Variants in CCDC91 observed in about 807,000 individuals in gnomAD.
CCDC91 encodes the protein coiled-coil domain-containing protein 91.
A neutral mutation model predicts 63.2 loss-of-function variants in CCDC91; 48 were observed. That is an observed-to-expected ratio of 0.76 (90% CI 0.60 to 0.97). The LOEUF is 0.97. Among genes scored for constraint, CCDC91 ranks in the 50% least tolerant of loss-of-function variants. CCDC91 has a pLI of 0.00. For synonymous variants in CCDC91, 167 were observed against 165.8 expected (o/e 1.01, Z -0.06); for missense variants, 500 against 494.6 (o/e 1.01, Z -0.10).
intron 6 of CCDC91, among the ~76,000 whole-genome samples, chr12:28,309,375 TA>T (rs1393823702): frequency 6.6e-6 from 1 of 152,050 alleles, no homozygotes; most frequent in Non-Finnish European, 1.5e-5. Context: ...TTAGAAAAGA[TA>T]ACTTCTAAGA....
intron 6 of CCDC91, among the ~76,000 whole-genome samples, chr12:28,335,952 T>A (rs559113243): frequency 1.6e-3 from 233 of 150,138 alleles, no homozygotes; most frequent in South Asian, 4.0e-3. Context: ...TTTTTTTTTT[T>A]AAAAAAAAAC....
intron 1 of CCDC91, among the ~76,000 whole-genome samples, chr12:28,223,891 TTCTC>T (rs1944105027): frequency 6.6e-6 from 1 of 152,330 alleles, no homozygotes; most frequent in Admixed American, 6.5e-5. Flanking sequence ...AGAAAATTAT[TTCTC>T]TTGAAACTCA....
rs150424532 is a variant in CCDC91 at position 28,420,522 on chromosome 12, G to A, written c.762+29111G>A. Among the ~76,000 whole-genome samples, 534 of 152,208 alleles carry A rather than the reference G, an allele frequency of 3.5e-3. 7 individuals are homozygous for A. The highest frequency in any genetic ancestry group is 0.012 in the African/African-American group (501 of 41,546). ...ACTACTGAGTGCTAGCTGATTGACAGCACATAAGACACAGTCCTTACCCTC... is the reference window on the plus strand; with the variant it reads ...ACTACTGAGTGCTAGCTGATTGACAACACATAAGACACAGTCCTTACCCTC... On this transcript the variant is annotated intron_variant, in intron 8 of 12. Coordinates refer to ENST00000536442, the MANE Select transcript of CCDC91 (RefSeq NM_018318.5).
intron 1 of CCDC91, among the ~76,000 whole-genome samples, chr12:28,252,515 C>A (rs1017421632): frequency 2.6e-5 from 4 of 151,490 alleles, no homozygotes. Flanking sequence ...ATTTTCTATC[C>A]GGCAGTTTTT....
chr12:28,364,409 A>G (rs1030055030), intron 7 of CCDC91, among the ~76,000 whole-genome samples: 1 of 152,162 alleles, frequency 6.6e-6, no homozygotes, highest in Non-Finnish European at 1.5e-5. Flanking sequence ...AAAACAAAAA[A>G]CAAAGTCTGA....
rs1444935736 is a variant in CCDC91 at position 28,452,658 on chromosome 12, A to G, written c.1101+4A>G. The G allele has an allele frequency of 1.4e-6, 2 of 1,432,432 alleles. No homozygotes were observed. The highest frequency in any genetic ancestry group is 4.7e-5 in the East Asian group (2 of 42,466). The allele number at this position is 1,432,432 out of a possible 1,614,324, so 88.7% of individuals were successfully genotyped here. A position where few individuals can be genotyped will look rare whatever the true frequency, so the allele number is the denominator to read the frequency against. ...AGAACAAAGAAAAATAAGTCAGGTT[A>G]GTAATATTAACTGTTAGTAAATATT... is the stretch of plus-strand genomic sequence containing the variant. On this transcript the variant is annotated splice_donor_region_variant and intron_variant, in intron 11 of 12. Transcript: ENST00000536442.
intron 8 of CCDC91, among the ~76,000 whole-genome samples, chr12:28,399,941 G>A (rs1228223656): frequency 6.6e-6 from 1 of 152,200 alleles, no homozygotes; most frequent in Admixed American, 6.5e-5. Context: ...GGCGCACAGT[G>A]TAAGCTGTTG....
chr12:28,430,494 T>G (rs1198581958), intron 8 of CCDC91, among the ~76,000 whole-genome samples: 1 of 152,110 alleles, frequency 6.6e-6, no homozygotes, highest in Non-Finnish European at 1.5e-5. Flanking sequence ...GACATTACAT[T>G]GAATTTGTTA....
intron 1 of CCDC91, among the ~76,000 whole-genome samples, chr12:28,234,198 A>G (rs764773663): frequency 6.6e-5 from 10 of 152,184 alleles, no homozygotes; most frequent in African/African-American, 2.4e-4. Context: ...TACATGCTTT[A>G]TAACATATTT....
At chr12:28,265,338 G>C (rs1049204576) in intron 3 of CCDC91, among the ~76,000 whole-genome samples, 20 of 151,938 alleles carry the variant, frequency 1.3e-4, no homozygotes, top group African/African-American at 4.8e-4. Flanking sequence ...CTTATATAGA[G>C]GGCAAACTAA....
intron 3 of CCDC91, among the ~76,000 whole-genome samples, chr12:28,260,485 A>G (rs149070600): frequency 6.6e-6 from 1 of 152,042 alleles, no homozygotes; most frequent in East Asian, 1.9e-4. Flanking sequence ...TTTGCTGGGA[A>G]TTGTCTTTAT....
At chr12:28,442,420 C>T (rs1400541464) in intron 8 of CCDC91, among the ~76,000 whole-genome samples, 2 of 151,980 alleles carry the variant, frequency 1.3e-5, no homozygotes, top group Non-Finnish European at 2.9e-5. Context: ...GATTTGAATT[C>T]ACAGTGTCAT....
intron 3 of CCDC91, among the ~76,000 whole-genome samples, chr12:28,300,789 G>A (rs535104984): frequency 2.6e-5 from 4 of 151,548 alleles, no homozygotes; most frequent in East Asian, 3.9e-4. Context: ...TTGTCTTTCA[G>A]GAGTGTTTTA....
intron 12 of CCDC91, among the ~76,000 whole-genome samples, chr12:28,542,771 T>TA (rs1042974432): frequency 6.6e-6 from 1 of 152,106 alleles, no homozygotes; most frequent in African/African-American, 2.4e-5. Context: ...TTCCCAAACT[T>TA]ACTTGACTTA....
chr12:28,490,112 G>A (rs1336314090), intron 12 of CCDC91, among the ~76,000 whole-genome samples: 2 of 151,784 alleles, frequency 1.3e-5, no homozygotes, highest in African/African-American at 4.8e-5. Context: ...TTATAAATTA[G>A]TGTAGGAAAA....
At chr12:28,452,070 A>G (rs1283567637) in intron 10 of CCDC91, among the ~76,000 whole-genome samples, 2 of 151,460 alleles carry the variant, frequency 1.3e-5, no homozygotes, top group East Asian at 3.9e-4. Context: ...ATTTGTTAAT[A>G]TCATGCAATT....
At chr12:28,410,766 C>T (rs1383764737) in intron 8 of CCDC91, among the ~76,000 whole-genome samples, 2 of 152,150 alleles carry the variant, frequency 1.3e-5, no homozygotes, top group Non-Finnish European at 1.5e-5. Context: ...AGGTAATCCG[C>T]CCGCCTCAGC....
At chr12:28,213,595 T>TA (rs1394371920) in intron 1 of CCDC91, among the ~76,000 whole-genome samples, 2 of 152,236 alleles carry the variant, frequency 1.3e-5, no homozygotes, top group African/African-American at 4.8e-5. Context: ...GTTTTGTTCT[T>TA]ATTCCTGCTG....
At chr12:28,392,296 A>G (rs1945994675) in intron 8 of CCDC91, among the ~76,000 whole-genome samples, 1 of 152,188 alleles carries the variant, frequency 6.6e-6, no homozygotes, top group South Asian at 2.1e-4. Context: ...ATTAGCCGGA[A>G]TGGACTTGGT....
Sources: gnomAD v4.1 joint callset for allele counts (sites outside exome capture counted in the v4.1 genomes callset) on GRCh38, gnomAD v4.1.1 for gene constraint, MANE v1.5 for transcripts, NCBI Gene and HGNC (gene_info 2026-07-23, HGNC 2026-07-21) for gene names.